The following PGM2 variants were observed in gnomAD, a reference collection of about 807,000 sequenced individuals.
PGM2 encodes phosphopentomutase.
PGM2 carries 57 observed loss-of-function variants against 74.6 expected under a neutral mutation model. The ratio of observed to expected loss-of-function variants is 0.76; its 90% CI spans 0.62 to 0.95. The LOEUF is 0.95. PGM2 is among the 40% of genes least tolerant of loss of function. The pLI is 0.00. For missense variants in PGM2, 706 were observed against 741.9 expected, an observed-to-expected ratio of 0.95 and a Z score of 0.56; for synonymous variants, 273 against 260.7, an observed-to-expected ratio of 1.05 and a Z score of -0.46.
At chr4:37,826,921 TC>T in intron 1 of PGM2, 108 bp downstream of exon 1, 1 of 655,294 alleles carries the variant, frequency 1.5e-6, no homozygotes, top group Non-Finnish European at 2.6e-6. Context: ...GCCCAGTGCA[TC>T]CCGCTTCTCC....
At chr4:37,830,236 G>C (rs1428318073) in intron 2 of PGM2, 105 bp downstream of exon 2, 2 of 793,074 alleles carry the variant, frequency 2.5e-6, no homozygotes, top group Middle Eastern at 4.1e-4. Context: ...TACCAGCTTG[G>C]CTAGACACAG....
Position 37,846,929 on chromosome 4 carries a change from A to G in PGM2, c.1008-2A>G. ...GTGGTTGTTGTTTTTTTTTTCTTTCAGTGGTGAATGGAGGGTGTTTTCAGG... is the reference window on the plus strand; with the variant it reads ...GTGGTTGTTGTTTTTTTTTTCTTTCGGTGGTGAATGGAGGGTGTTTTCAGG... On this transcript the variant is annotated splice_acceptor_variant, in intron 8 of 13. Coordinates refer to ENST00000381967, the MANE Select transcript of PGM2 (RefSeq NM_018290.4). LOFTEE classifies it high-confidence loss of function. 1.9e-6 allele frequency: 3 copies of G among 1,581,378 alleles called. No individual in the cohort carries two copies. The highest frequency in any genetic ancestry group is 2.6e-6 in the Non-Finnish European group (3 of 1,168,354).
At chr4:37,845,210 G>A (rs1725838206) in intron 7 of PGM2, among the ~76,000 whole-genome samples, 1 of 152,144 alleles carries the variant, frequency 6.6e-6, no homozygotes, top group African/African-American at 2.4e-5. Flanking sequence ...TCATTTTTCT[G>A]ATATGAAGTG....
At chr4:37,828,802 T>C (rs994819024) in intron 1 of PGM2, among the ~76,000 whole-genome samples, 1 of 152,238 alleles carries the variant, frequency 6.6e-6, no homozygotes, top group African/African-American at 2.4e-5. Flanking sequence ...TGAGGCTCTT[T>C]TATGAGCCTC....
At chr4:37,856,301 T>C (rs1462771795) in intron 13 of PGM2, among the ~76,000 whole-genome samples, 3 of 152,008 alleles carry the variant, frequency 2.0e-5, no homozygotes, top group Non-Finnish European at 4.4e-5. Context: ...AGGAGAATGG[T>C]GTGAACCTGG....
At chr4:37,834,251 G>A (rs957275146) in intron 2 of PGM2, among the ~76,000 whole-genome samples, 2 of 151,756 alleles carry the variant, frequency 1.3e-5, no homozygotes, top group African/African-American at 4.8e-5. Flanking sequence ...GGGGGGGATT[G>A]CTTAAACCCA....
Position 37,845,714 on chromosome 4 carries a change from G to A in PGM2, c.991G>A (p.Ala331Thr). ...CCCGGATGCTGATAGACTTGCTGTG[G>A]CAGAAAAGCAAGACAGGTAAAATTA... ...NDPDADRLAV[A>T]EKQDSGEWRV... Residue 331 changes from alanine to threonine, a missense_variant, in exon 8 of 14, where the codon GCA becomes ACA. Ala to Thr is a moderately conservative substitution (Grantham distance 58). Coordinates refer to ENST00000381967, the MANE Select transcript of PGM2 (RefSeq NM_018290.4). 1.2e-6 allele frequency: 2 copies of A among 1,609,306 alleles called. No individual in the cohort carries two copies. Among genetic ancestry groups the A allele is most frequent in the Non-Finnish European group, 1.7e-6 (2 of 1,175,638 alleles).
At chr4:37,849,626 CTCAAA>C (rs1213734485) in intron 11 of PGM2, among the ~76,000 whole-genome samples, 1 of 151,892 alleles carries the variant, frequency 6.6e-6, no homozygotes, top group Non-Finnish European at 1.5e-5. Context: ...CCAGGCTGGT[CTCAAA>C]CGCCTAACCT....
intron 7 of PGM2, 110 bp downstream of exon 7, chr4:37,844,663 T>G: frequency 1.4e-6 from 1 of 720,324 alleles, no homozygotes; most frequent in Non-Finnish European, 2.3e-6. Context: ...AAAACTAATT[T>G]CAGCATGGAA....
intron 7 of PGM2, among the ~76,000 whole-genome samples, chr4:37,844,987 A>C (rs947042386): frequency 2.0e-5 from 3 of 146,490 alleles, no homozygotes; most frequent in East Asian, 2.1e-4. Context: ...AAAAAAAAAA[A>C]AAAAAAAACA....
chr4:37,830,354 A>G lies in PGM2; in HGVS notation c.249+223A>G, dbSNP rs182325976. 7.2e-5 allele frequency among the ~76,000 whole-genome samples: 11 copies of G among 152,264 alleles called. No individual in the cohort carries two copies. The East Asian group carries it at 2.1e-3, about 29-fold the overall frequency. On this transcript the variant is annotated intron_variant, in intron 2 of 13. Transcript: ENST00000381967. ...ATCCATTCATTCATTCATTTAACAC[A>G]CTTATTGAGTACATACCATGTGCCA...
chr4:37,842,529 A>G (rs1343937940), intron 6 of PGM2, among the ~76,000 whole-genome samples: 4 of 146,398 alleles, frequency 2.7e-5, no homozygotes, highest in Non-Finnish European at 6.0e-5. Context: ...AGTTGTACCA[A>G]CATCAATGGA....
chr4:37,845,663 A>G lies in PGM2; in HGVS notation c.940A>G (p.Lys314Glu), dbSNP rs775353520. 2 of 1,613,226 alleles carry G rather than the reference A, an allele frequency of 1.2e-6. No individual in the cohort carries two copies. The highest frequency in any genetic ancestry group is 1.7e-6 in the Non-Finnish European group (2 of 1,179,176). ...GTCTTTTGCTTTGGCTGACAAAACC[A>G]AGGCCAGAATTGTTTTAGCTAACGA... ...TLSFALADKT[K>E]ARIVLANDPD... The change falls in exon 8 of 14, where the codon AAG becomes GAG. Residue 314 changes from lysine (K) to glutamate (E), a missense_variant. Physicochemically the swap from Lys to Glu is moderately conservative, Grantham distance 56 (BLOSUM62 1). This residue lies in a region of PGM2 where 359 missense variants were observed against 371.1 expected (regional missense o/e 0.97). Transcript: ENST00000381967.
chr4:37,842,028 T>A (rs1427109900), intron 6 of PGM2, among the ~76,000 whole-genome samples: 1 of 152,188 alleles, frequency 6.6e-6, no homozygotes, highest in Non-Finnish European at 1.5e-5. Flanking sequence ...TGCTCTGTGA[T>A]CCAATTTCTC....
rs866264139 is a variant in PGM2 at position 37,841,103 on chromosome 4, T to G, written c.719+844T>G. Among the ~76,000 whole-genome samples, 310 of 146,184 alleles carry G rather than the reference T, an allele frequency of 2.1e-3. 2 individuals carry two copies. Among genetic ancestry groups the G allele is most frequent in the African/African-American group, 7.4e-3 (289 of 39,264 alleles). ...ATATATATATATATATATATATATG[T>G]GTGTGTGTGTGTTTGTATATGTATA... On this transcript the variant is annotated intron_variant, in intron 6 of 13. Transcript: ENST00000381967.
intron 12 of PGM2, 139 bp downstream of exon 12, chr4:37,850,512 A>G: frequency 1.8e-6 from 1 of 543,166 alleles, no homozygotes; most frequent in East Asian, 3.5e-5. Context: ...TATAAAAAAT[A>G]TATGGAAGCC....
Position 37,847,291 on chromosome 4 carries a change from T to C in PGM2, c.1278T>C (p.Ala426=), listed in dbSNP as rs775838196. The C allele has an allele frequency of 6.2e-7, 1 of 1,606,842 alleles. No homozygotes were observed. The highest frequency in any genetic ancestry group is 1.1e-5 in the South Asian group (1 of 90,912). ...GKTVLFAFEE[A]IGYMCCPFVL... is the part of the protein sequence containing the mutation. ...CTGTTTTATTTGCATTTGAAGAAGC[T>C]ATTGGTAAGAAGTGATCATGAACAT... Residue 426 remains alanine (A), a synonymous_variant, in exon 10 of 14, where the codon GCT becomes GCC. Coordinates refer to ENST00000381967, the MANE Select transcript of PGM2 (RefSeq NM_018290.4).
intron 12 of PGM2, among the ~76,000 whole-genome samples, chr4:37,850,598 C>G (rs895694390): frequency 2.0e-5 from 3 of 151,924 alleles, no homozygotes; most frequent in African/African-American, 7.3e-5. Context: ...ATCAGGAGTT[C>G]GAGACCAGCC....
At chr4:37,827,495 G>A (rs1302843136) in intron 1 of PGM2, among the ~76,000 whole-genome samples, 3 of 151,900 alleles carry the variant, frequency 2.0e-5, no homozygotes, top group African/African-American at 7.3e-5. Context: ...TGTTCTGCTT[G>A]CTGTTAGGTT....
Sources: gnomAD v4.1 joint callset for allele counts (sites outside exome capture counted in the v4.1 genomes callset) on GRCh38, gnomAD v4.1.1 for gene constraint, gnomAD v4.1.1 regional missense constraint, MANE v1.5 for transcripts, NCBI Gene and HGNC (gene_info 2026-07-23, HGNC 2026-07-21) for gene names.